The following TNRC18 variants were observed in gnomAD, a reference collection of about 807,000 sequenced individuals.
TNRC18 encodes the protein trinucleotide repeat containing 18, also known as trinucleotide repeat-containing gene 18 protein.
A neutral mutation model predicts 226.7 loss-of-function variants in TNRC18; 69 were observed. The observed-to-expected ratio is 0.30, with a 90% confidence interval of 0.25 to 0.37. The LOEUF (loss-of-function observed/expected upper bound fraction) is 0.37. Among genes scored for constraint, TNRC18 ranks in the 10% least tolerant of loss-of-function variants. The probability of loss-of-function intolerance (pLI) is 1.00; values close to 1 mark genes in which losing one functional copy is unlikely to be tolerated. For synonymous variants in TNRC18, 2,449 were observed against 1,927.6 expected (o/e 1.27, Z -7.09); for missense variants, 4,754 against 4,256.6 (o/e 1.12, Z -3.25).
chr7:5,347,263 C>T (rs1460790290), intron 17 of TNRC18, among the ~76,000 whole-genome samples: 2 of 151,142 alleles, frequency 1.3e-5, no homozygotes, highest in South Asian at 2.1e-4. Flanking sequence ...TTTCGGCGCA[C>T]TGCAAGCTCC....
In TNRC18 at chr7:5,356,907, G is replaced by A. The variant is rs775042250; in HGVS notation, c.5194+9C>T. 158 of 1,531,250 alleles carry A rather than the reference G, an allele frequency of 1.0e-4. No homozygotes were observed. Among genetic ancestry groups the A allele is most frequent in the Non-Finnish European group, 1.2e-4 (140 of 1,136,638 alleles). 94.9% of individuals were successfully genotyped at this position (1,531,250 alleles called of 1,614,324 possible). ...GCGGACCAGAGGTGGCGCGGCATACGCTACTTACTGTAAGAGTAGCTGCTC... is the reference window on the plus strand; with the variant it reads ...GCGGACCAGAGGTGGCGCGGCATACACTACTTACTGTAAGAGTAGCTGCTC... On this transcript the variant is annotated intron_variant, in intron 16 of 29. Transcript: ENST00000430969.
intron 9 of TNRC18, 66 bp from the exon 10 acceptor site, chr7:5,374,550 G>T: frequency 6.8e-7 from 1 of 1,472,424 alleles, no homozygotes. Flanking sequence ...GCCCGCACCT[G>T]CCCTGTCCCC....
intron 5 of TNRC18, among the ~76,000 whole-genome samples, chr7:5,379,593 G>C (rs116604307): frequency 6.6e-6 from 1 of 152,298 alleles, no homozygotes; most frequent in African/African-American, 2.4e-5. Flanking sequence ...GGGAGCGGCG[G>C]AGTGGCAGGA....
chr7:5,337,360 T>C (rs1051500664), intron 18 of TNRC18, among the ~76,000 whole-genome samples: 1 of 152,006 alleles, frequency 6.6e-6, no homozygotes, highest in African/African-American at 2.4e-5. Flanking sequence ...GGCTCACACC[T>C]GTAATCCCAA....
chr7:5,328,355 C>T (rs1316081354), intron 19 of TNRC18, among the ~76,000 whole-genome samples: 2 of 152,088 alleles, frequency 1.3e-5, no homozygotes, highest in Non-Finnish European at 2.9e-5. Context: ...AGACCCCACC[C>T]CATCTGCACG....
At chr7:5,310,322 C>T (rs1168663994) in intron 27 of TNRC18, among the ~76,000 whole-genome samples, 1 of 152,158 alleles carries the variant, frequency 6.6e-6, no homozygotes, top group African/African-American at 2.4e-5. Context: ...CTCTGCCTCC[C>T]AGGTTCAAGC....
intron 5 of TNRC18, among the ~76,000 whole-genome samples, chr7:5,384,351 T>C (rs539696814): frequency 1.2e-4 from 19 of 152,320 alleles, no homozygotes; most frequent in African/African-American, 2.6e-4. Context: ...TCCTCCTACG[T>C]TGGCCTTCCG....
chr7:5,378,511 C>T (rs1779169409), intron 5 of TNRC18, among the ~76,000 whole-genome samples: 1 of 151,758 alleles, frequency 6.6e-6, no homozygotes, highest in Admixed American at 6.6e-5. Flanking sequence ...CTCCACCTCC[C>T]AGGTTCCCGC....
chr7:5,401,867 C>T (rs564940932), intron 2 of TNRC18, among the ~76,000 whole-genome samples: 1 of 152,172 alleles, frequency 6.6e-6, no homozygotes, highest in Non-Finnish European at 1.5e-5. Context: ...GTGGGAGGAC[C>T]GCCGGGAGCT....
rs745872917 is a variant in TNRC18 at position 5,315,197 on chromosome 7, T to G, written c.6863-49A>C. The G allele has an allele frequency of 2.5e-6, 4 of 1,574,000 alleles. No individual in the cohort carries two copies. In the South Asian group the frequency reaches 4.7e-5, roughly 18 times the overall value. On this transcript the variant is annotated intron_variant, in intron 25 of 29. Transcript: ENST00000430969. Reference sequence around the variant, plus strand: ...CTCATCAGGCCTGGGGTCCCCAGCTTGGAGCTTCCAAGACCCTGGTCTGTC... The same window carrying G: ...CTCATCAGGCCTGGGGTCCCCAGCTGGGAGCTTCCAAGACCCTGGTCTGTC...
intron 2 of TNRC18, among the ~76,000 whole-genome samples, chr7:5,399,369 G>A (rs1433155278): frequency 6.6e-6 from 1 of 152,192 alleles, no homozygotes; most frequent in Non-Finnish European, 1.5e-5. Context: ...ACTCACCCCA[G>A]TTATTATCTC....
intron 16 of TNRC18, among the ~76,000 whole-genome samples, chr7:5,352,875 G>A (rs537764819): frequency 3.3e-5 from 5 of 152,370 alleles, no homozygotes; most frequent in East Asian, 3.9e-4. Flanking sequence ...GGGTTCCAGA[G>A]ACAGAGAATA....
At position 5,313,031 on chromosome 7, in the gene TNRC18, G is replaced by A; in HGVS notation, c.7860C>T (p.Ser2620=). Reference sequence around the variant, plus strand: ...AGGAGGAGGAGGAGGAGGAGGAGGAGGATGAGGAGGAGGAGGAGGAGGCCG... The same window carrying A: ...AGGAGGAGGAGGAGGAGGAGGAGGAAGATGAGGAGGAGGAGGAGGAGGCCG... ...ASPASSSSSS[S]SSSSSSSSSS... Residue 2620 remains serine (S), a synonymous_variant, in exon 27 of 30, where the codon TCC becomes TCT. Transcript: ENST00000430969. 1 of 892,600 alleles carries A rather than the reference G, an allele frequency of 1.1e-6. No homozygotes were observed. The highest frequency in any genetic ancestry group is 1.4e-5 in the South Asian group (1 of 70,048). 55.3% of individuals were successfully genotyped at this position (892,600 alleles called of 1,614,324 possible). A position where few individuals can be genotyped will look rare whatever the true frequency, so the allele number is the denominator to read the frequency against.
In TNRC18 at chr7:5,421,143, G is replaced by A. The variant is rs1364828485; in HGVS notation, c.104C>T (p.Ala35Val). Reference protein sequence around the residue: ...MDSHRVGAATAGRLPASGLPG... With the variant: ...MDSHRVGAATVGRLPASGLPG... Reference sequence around the variant, plus strand: ...CAAGCCCGAGGCGGGCAAGCGTCCGGCAGTGGCCGCGCCCACGCGGTGGCT... The same window carrying A: ...CAAGCCCGAGGCGGGCAAGCGTCCGACAGTGGCCGCGCCCACGCGGTGGCT... The change falls in exon 2 of 30, where the codon GCC (alanine) becomes GTC (valine). Residue 35 changes from alanine to valine, a missense_variant. Ala to Val is a moderately conservative substitution (Grantham distance 64). Transcript: ENST00000430969. The A allele has an allele frequency of 7.0e-7, 1 of 1,436,008 alleles. No individual in the cohort carries two copies. 89.0% of individuals were successfully genotyped at this position (1,436,008 alleles called of 1,614,324 possible).
rs373223281 is a variant in TNRC18 at position 5,360,203 on chromosome 7, TTTTATTTATTTATTTA to T, written c.4662-650_4662-635del. Among the ~76,000 whole-genome samples the T allele has an allele frequency of 1.2e-3, 187 of 151,206 alleles. 2 individuals carry two copies. The highest frequency in any genetic ancestry group is 3.9e-3 in the African/African-American group (161 of 41,144). On this transcript the variant is annotated intron_variant, in intron 14 of 29. Transcript: ENST00000430969. Reference sequence around the variant, plus strand: ...GCCACAAACGTTTGCTGCTGCTGTATTTTATTTATTTATTTATTTATTTATTTATTTATTTAATTTA... The same window carrying T: ...GCCACAAACGTTTGCTGCTGCTGTATTTTATTTATTTATTTATTTAATTTA...
Position 5,308,024 on chromosome 7 carries a change from C to G in TNRC18, c.*82G>C. Reference sequence around the variant, plus strand: ...GGAGCGCTCGCATGCACACAACGCACGTGGTCTCCGCGCCATGGCAGTGAT... The same window carrying G: ...GGAGCGCTCGCATGCACACAACGCAGGTGGTCTCCGCGCCATGGCAGTGAT... On this transcript the variant is annotated 3_prime_UTR_variant, in exon 30 of 30. Coordinates refer to ENST00000430969, the MANE Select transcript of TNRC18 (RefSeq NM_001080495.3). The G allele has an allele frequency of 1.5e-6, 2 of 1,324,664 alleles. No homozygotes were observed. Among genetic ancestry groups the G allele is most frequent in the Non-Finnish European group, 1.0e-6 (1 of 961,788 alleles). The allele number at this position is 1,324,664 out of a possible 1,614,324, so 82.1% of individuals were successfully genotyped here.
At chr7:5,412,472 A>T (rs1781905721) in intron 2 of TNRC18, among the ~76,000 whole-genome samples, 1 of 152,028 alleles carries the variant, frequency 6.6e-6, no homozygotes, top group Admixed American at 6.6e-5. Flanking sequence ...GCTACTTGGG[A>T]GGCTGAGGCA....
intron 2 of TNRC18, among the ~76,000 whole-genome samples, chr7:5,415,409 C>T (rs964382011): frequency 2.5e-5 from 3 of 121,216 alleles, no homozygotes; most frequent in African/African-American, 9.5e-5. Context: ...TGGAGTCTGT[C>T]TCTGTCGCCC....
chr7:5,379,856 C>T (rs545925001), intron 5 of TNRC18, among the ~76,000 whole-genome samples: 43 of 152,304 alleles, frequency 2.8e-4, no homozygotes, highest in African/African-American at 9.9e-4. Flanking sequence ...CCAGGGCTTC[C>T]GGGAAGAGGG....
Sources: allele counts gnomAD v4.1 joint callset (sites outside exome capture counted in the v4.1 genomes callset), GRCh38; gene constraint gnomAD v4.1.1; transcripts MANE v1.5; gene names NCBI Gene and HGNC (gene_info 2026-07-23, HGNC 2026-07-21).